Variants in NDFIP2 observed in about 807,000 individuals in gnomAD.
NDFIP2 encodes Nedd4 family interacting protein 2, also known as NEDD4 family-interacting protein 2.
A neutral mutation model predicts 36.0 loss-of-function variants in NDFIP2; 19 were observed. The ratio of observed to expected loss-of-function variants is 0.53; its 90% CI spans 0.37 to 0.77. NDFIP2 has a LOEUF of 0.77. NDFIP2 is among the 30% of genes least tolerant of loss of function. The pLI, the probability that NDFIP2 is intolerant of heterozygous loss-of-function variation, is 0.00. For missense variants in NDFIP2, 446 were observed against 435.8 expected (o/e 1.02, Z -0.21); for synonymous variants, 181 against 167.7 (o/e 1.08, Z -0.61).
intron 1 of NDFIP2, among the ~76,000 whole-genome samples, chr13:79,512,814 C>A (rs1343227610): frequency 6.6e-6 from 1 of 152,134 alleles, no homozygotes; most frequent in Non-Finnish European, 1.5e-5. Context: ...ATCTGTTACA[C>A]CTAAAAGGTA....
At chr13:79,509,034 A>ATT (rs147610374) in intron 1 of NDFIP2, among the ~76,000 whole-genome samples, 4 of 151,156 alleles carry the variant, frequency 2.6e-5, no homozygotes, top group African/African-American at 9.7e-5. Context: ...TAGAGTTAGC[A>ATT]TTTTTTTTTA....
rs576349455 is a variant in NDFIP2, at chr13:79,550,939, A to G, written c.908-78A>G. 6 of 781,676 alleles carry G rather than the reference A, an allele frequency of 7.7e-6. No homozygotes were observed. In the East Asian group the frequency reaches 8.0e-5, roughly 10 times the overall value. 48.4% of individuals were successfully genotyped at this position (781,676 alleles called of 1,614,324 possible). ...TCCTTAAGCCAAGAGGATCTTGTTT[A>G]TAATTGTCTACTTTAAATTTATCTT... On this transcript the variant is annotated intron_variant, in intron 6 of 7. Coordinates refer to ENST00000218652, the MANE Select transcript of NDFIP2 (RefSeq NM_019080.3).
At chr13:79,547,934 G>A (rs1415234068) in intron 5 of NDFIP2, among the ~76,000 whole-genome samples, 1 of 152,226 alleles carries the variant, frequency 6.6e-6, no homozygotes, top group East Asian at 1.9e-4. Flanking sequence ...GTGGCTTTTG[G>A]TGTTAATATC....
chr13:79,546,892 C>A (rs1279616108), intron 5 of NDFIP2, among the ~76,000 whole-genome samples: 1 of 152,022 alleles, frequency 6.6e-6, no homozygotes, highest in Non-Finnish European at 1.5e-5. Flanking sequence ...AATCACTTGA[C>A]TAAAAAATAG....
chr13:79,493,514 GA>G (rs1873322588), intron 1 of NDFIP2, among the ~76,000 whole-genome samples: 1 of 152,144 alleles, frequency 6.6e-6, no homozygotes, highest in Admixed American at 6.5e-5. Context: ...AAGAGAAAAG[GA>G]AATTGTTTCC....
chr13:79,519,400 T>A (rs1276080786), intron 1 of NDFIP2, among the ~76,000 whole-genome samples: 1 of 152,250 alleles, frequency 6.6e-6, no homozygotes. Context: ...CTTTTTATCG[T>A]ATTGATGCCT....
At chr13:79,501,225 A>T (rs762194228) in intron 1 of NDFIP2, among the ~76,000 whole-genome samples, 2 of 152,082 alleles carry the variant, frequency 1.3e-5, no homozygotes, top group African/African-American at 2.4e-5. Context: ...ACTCTGTATG[A>T]TACTGTAATG....
intron 1 of NDFIP2, among the ~76,000 whole-genome samples, chr13:79,505,126 A>G (rs932975145): frequency 6.6e-6 from 1 of 152,232 alleles, no homozygotes; most frequent in Admixed American, 6.5e-5. Flanking sequence ...CACATGGGGC[A>G]TCAGTGGGAG....
intron 1 of NDFIP2, among the ~76,000 whole-genome samples, chr13:79,492,559 G>A (rs1566653975): frequency 6.6e-6 from 1 of 151,882 alleles, no homozygotes; most frequent in Non-Finnish European, 1.5e-5. Context: ...GCATCACCAC[G>A]CTTGGCTGAA....
intron 1 of NDFIP2, among the ~76,000 whole-genome samples, chr13:79,489,095 A>G (rs1443465413): frequency 6.6e-6 from 1 of 152,196 alleles, no homozygotes; most frequent in Admixed American, 6.5e-5. Flanking sequence ...TGTAACAAAC[A>G]TCTCTAAATA....
At chr13:79,483,307 T>C (rs2079826392) in intron 1 of NDFIP2, among the ~76,000 whole-genome samples, 1 of 152,152 alleles carries the variant, frequency 6.6e-6, no homozygotes, top group South Asian at 2.1e-4. Flanking sequence ...GTGTTAGAGT[T>C]ACACAATTTA....
rs146360249 is a variant in NDFIP2 at position 79,490,756 on chromosome 13, T to A, written c.321+9232T>A. Among the ~76,000 whole-genome samples, 39 of 152,278 alleles carry A rather than the reference T, an allele frequency of 2.6e-4. No individual in the cohort carries two copies. In the East Asian group the frequency reaches 5.8e-3, roughly 23 times the overall value. On this transcript the variant is annotated intron_variant, in intron 1 of 7. Transcript: ENST00000218652. ...TGAAGGACGCTTCTAAGAAATTAAT[T>A]TTTTATTTCACCCAGTCTCTAAATA...
intron 2 of NDFIP2, among the ~76,000 whole-genome samples, chr13:79,525,396 T>G (rs193172708): frequency 6.8e-4 from 104 of 152,358 alleles, no homozygotes; most frequent in Non-Finnish European, 2.8e-4. Flanking sequence ...TCGTTTTTAC[T>G]GTAGATCTTA....
intron 1 of NDFIP2, among the ~76,000 whole-genome samples, chr13:79,495,000 A>G (rs1437603541): frequency 6.6e-6 from 1 of 150,844 alleles, no homozygotes; most frequent in African/African-American, 2.4e-5. Context: ...TTCTGTTTTT[A>G]CCTTATTTAT....
intron 1 of NDFIP2, among the ~76,000 whole-genome samples, chr13:79,482,150 T>C (rs2079817594): frequency 8.8e-6 from 1 of 113,730 alleles, no homozygotes; most frequent in Non-Finnish European, 1.8e-5. Flanking sequence ...ATCCCCACTT[T>C]TTCTTTCTTT....
chr13:79,536,615 C>T (rs1875253040), intron 3 of NDFIP2, among the ~76,000 whole-genome samples: 2 of 152,128 alleles, frequency 1.3e-5, no homozygotes, highest in African/African-American at 4.8e-5. Context: ...TTCCCTGTTA[C>T]TTAATAGTTA....
At chr13:79,528,040 G>C (rs1874868402) in intron 2 of NDFIP2, among the ~76,000 whole-genome samples, 1 of 152,068 alleles carries the variant, frequency 6.6e-6, no homozygotes, top group Non-Finnish European at 1.5e-5. Context: ...GAGGTGGGAG[G>C]ATCACAGCCT....
At chr13:79,507,647 A>G (rs1479128736) in intron 1 of NDFIP2, among the ~76,000 whole-genome samples, 1 of 151,708 alleles carries the variant, frequency 6.6e-6, no homozygotes, top group Non-Finnish European at 1.5e-5. Context: ...GGTGCTGTGT[A>G]TTCTGTCTTC....
intron 3 of NDFIP2, 25 bp downstream of exon 3, chr13:79,533,481 T>A (rs751524422): frequency 6.4e-5 from 101 of 1,571,566 alleles, no homozygotes; most frequent in Non-Finnish European, 8.3e-5. Flanking sequence ...TCATTTCTTT[T>A]GATAAAATTA....
Sources: gnomAD v4.1 joint callset for allele counts (sites outside exome capture counted in the v4.1 genomes callset) on GRCh38, gnomAD v4.1.1 for gene constraint, MANE v1.5 for transcripts, NCBI Gene and HGNC (gene_info 2026-07-23, HGNC 2026-07-21) for gene names.